PTPRD: variants seen among roughly 807,000 people sequenced by gnomAD.
The protein encoded by PTPRD is protein tyrosine phosphatase receptor type D.
PTPRD carries 34 observed loss-of-function variants against 214.5 expected under a neutral mutation model. The ratio of observed to expected loss-of-function variants is 0.16; its 90% CI spans 0.12 to 0.21. The LOEUF (loss-of-function observed/expected upper bound fraction) is 0.21, where lower values mean the gene tolerates loss of function less well. PTPRD is among the 10% of genes least tolerant of loss of function. The pLI, the probability that PTPRD is intolerant of heterozygous loss-of-function variation, is 1.00. For missense variants in PTPRD, 2,545 were observed against 2,398.7 expected (o/e 1.06, Z -1.27); for synonymous variants, 1,128 against 845.7 (o/e 1.33, Z -5.79).
chr9:8,580,421 C>A (rs1056863763), intron 14 of PTPRD, among the ~76,000 whole-genome samples: 3 of 152,092 alleles, frequency 2.0e-5, no homozygotes, highest in African/African-American at 7.2e-5. Flanking sequence ...AATATAGACC[C>A]AAGGTATGAG....
Position 9,370,284 on chromosome 9 carries a change from C to T in PTPRD, c.-203+27165G>A, listed in dbSNP as rs2059103455. On this transcript the variant is annotated intron_variant, in intron 9 of 45. Transcript: ENST00000381196. ...CATTTGTTTGTGTCCTCTTTTATTT[C>T]CCTGAGCAGTGGTTTGTAGTTCTCC... Among the ~76,000 whole-genome samples, 3 of 152,022 alleles carry T rather than the reference C, an allele frequency of 2.0e-5. No individual in the cohort carries two copies. In the South Asian group the frequency reaches 6.2e-4, roughly 32 times the overall value.
At chr9:8,753,788 G>A (rs1183758112) in intron 11 of PTPRD, among the ~76,000 whole-genome samples, 1 of 152,162 alleles carries the variant, frequency 6.6e-6, no homozygotes, top group African/African-American at 2.4e-5. Context: ...TAGATAGCAT[G>A]ATCAATAAAT....
chr9:9,195,086 G>GTATATATACATATATATATATA (rs1554959657), intron 9 of PTPRD, among the ~76,000 whole-genome samples: 2 of 131,172 alleles, frequency 1.5e-5, no homozygotes, highest in East Asian at 2.5e-4. Context: ...GTGTGTTTGT[G>GTATATATACATATATATATATA]TATATATATA....
chr9:9,543,232 T>C (rs1457646884), intron 8 of PTPRD, among the ~76,000 whole-genome samples: 2 of 151,700 alleles, frequency 1.3e-5, no homozygotes, highest in Non-Finnish European at 3.0e-5. Context: ...TCCATTTACA[T>C]GAATTTTAAG....
intron 6 of PTPRD, among the ~76,000 whole-genome samples, chr9:9,744,874 A>G (rs2098441948): frequency 6.6e-6 from 1 of 152,058 alleles, no homozygotes; most frequent in Admixed American, 6.6e-5. Flanking sequence ...CAATTTTACA[A>G]CTAAAAATAT....
chr9:9,702,057 T>C (rs1212220429), intron 7 of PTPRD, among the ~76,000 whole-genome samples: 3 of 151,890 alleles, frequency 2.0e-5, no homozygotes, highest in Admixed American at 6.6e-5. Context: ...GAGGCAGAGG[T>C]TGCAGTGAGC....
intron 3 of PTPRD, among the ~76,000 whole-genome samples, chr9:10,040,157 G>C (rs1028802796): frequency 6.6e-6 from 1 of 152,040 alleles, no homozygotes; most frequent in Non-Finnish European, 1.5e-5. Flanking sequence ...ATTAGAGAAA[G>C]AAGTAAGGTG....
At chr9:9,658,723 C>T (rs1324901797) in intron 7 of PTPRD, among the ~76,000 whole-genome samples, 1 of 152,124 alleles carries the variant, frequency 6.6e-6, no homozygotes, top group Non-Finnish European at 1.5e-5. Context: ...TGGTCATTAT[C>T]ACTAGTACTC....
chr9:8,610,842 C>T (rs1453013801), intron 14 of PTPRD, among the ~76,000 whole-genome samples: 5 of 152,268 alleles, frequency 3.3e-5, no homozygotes, highest in South Asian at 2.1e-4. Context: ...TACAACAGGA[C>T]GTGATCTGGT....
Position 8,421,960 on chromosome 9 carries a change from C to A in PTPRD, c.4086+14632G>T, listed in dbSNP as rs561779323. ...CCCAGTAGTTCGAGACCAACCTGTGCAACATGGCGAAACCTCATCTCTACA... is the reference window on the plus strand; with the variant it reads ...CCCAGTAGTTCGAGACCAACCTGTGAAACATGGCGAAACCTCATCTCTACA... On this transcript the variant is annotated intron_variant, in intron 35 of 45. Transcript: ENST00000381196. Among the ~76,000 whole-genome samples, 6 of 151,548 alleles carry A rather than the reference C, an allele frequency of 4.0e-5. No homozygotes were observed. In the East Asian group the frequency reaches 1.2e-3, roughly 30 times the overall value.
chr9:8,840,229 C>A (rs891884739), intron 11 of PTPRD, among the ~76,000 whole-genome samples: 1 of 152,148 alleles, frequency 6.6e-6, no homozygotes. Flanking sequence ...ATCTTGAATT[C>A]CACGTGTTGT....
chr9:9,457,211 C>T (rs769902145), intron 8 of PTPRD, among the ~76,000 whole-genome samples: 5 of 151,942 alleles, frequency 3.3e-5, no homozygotes, highest in Non-Finnish European at 7.4e-5. Flanking sequence ...TGCTTATTAA[C>T]ATGAAGTTCC....
intron 3 of PTPRD, among the ~76,000 whole-genome samples, chr9:10,094,270 A>C (rs958320797): frequency 6.6e-6 from 1 of 151,190 alleles, no homozygotes. Context: ...TCCAACCCCT[A>C]AGAGACCTAT....
chr9:9,560,828 G>A (rs1014004883), intron 8 of PTPRD, among the ~76,000 whole-genome samples: 3 of 152,056 alleles, frequency 2.0e-5, no homozygotes, highest in Admixed American at 6.5e-5. Context: ...GCCCTGTCTT[G>A]GCTGCTTGAG....
intron 11 of PTPRD, among the ~76,000 whole-genome samples, chr9:8,783,076 C>G (rs910619803): frequency 2.0e-5 from 3 of 152,166 alleles, no homozygotes; most frequent in African/African-American, 7.2e-5. Flanking sequence ...CAACCCACCA[C>G]AAGAAGTTCG....
intron 11 of PTPRD, among the ~76,000 whole-genome samples, chr9:8,794,711 G>T (rs1458791063): frequency 6.6e-6 from 1 of 151,750 alleles, no homozygotes. Context: ...GAGTTGTCTT[G>T]GTTTCAAAGA....
At chr9:9,552,766 C>A (rs190600574) in intron 8 of PTPRD, among the ~76,000 whole-genome samples, 1 of 152,156 alleles carries the variant, frequency 6.6e-6, no homozygotes, top group East Asian at 1.9e-4. Context: ...TGTGACATGG[C>A]TGCTTTTCAA....
chr9:9,059,548 A>G (rs186506841), intron 10 of PTPRD, among the ~76,000 whole-genome samples: 6 of 152,330 alleles, frequency 3.9e-5, no homozygotes, highest in Admixed American at 2.6e-4. Context: ...GAAAAATGCC[A>G]TGTATCAAAA....
intron 11 of PTPRD, among the ~76,000 whole-genome samples, chr9:8,754,119 TG>T (rs754548196): frequency 6.6e-6 from 1 of 152,052 alleles, no homozygotes; most frequent in Non-Finnish European, 1.5e-5. Flanking sequence ...CACTCCAGCC[TG>T]GGTGACAGAG....
Sources: gnomAD v4.1 joint callset for allele counts (sites outside exome capture counted in the v4.1 genomes callset) on GRCh38, gnomAD v4.1.1 for gene constraint, MANE v1.5 for transcripts, NCBI Gene and HGNC (gene_info 2026-07-23, HGNC 2026-07-21) for gene names.